The following ROBO2 variants were observed in gnomAD, a reference collection of about 807,000 sequenced individuals.
ROBO2 encodes roundabout homolog 2.
In ROBO2, 53 loss-of-function variants were observed where a neutral mutation model predicts 160.8. The ratio of observed to expected loss-of-function variants is 0.33; its 90% CI spans 0.26 to 0.41. ROBO2 has a LOEUF of 0.41. Ranked by LOEUF, ROBO2 falls within the 10% of genes least tolerant of loss-of-function variation. ROBO2 has a pLI of 1.00. For synonymous variants in ROBO2, 664 were observed against 611.7 expected (o/e 1.09, Z -1.26); for missense variants, 1,577 against 1,722.4 (o/e 0.92, Z 1.49).
At chr3:76,784,091 G>T (rs1358913267) in intron 2 of ROBO2, among the ~76,000 whole-genome samples, 2 of 150,948 alleles carry the variant, frequency 1.3e-5, no homozygotes, top group African/African-American at 2.4e-5. Context: ...TTGTTGTCAG[G>T]AAATTCATAG....
At chr3:77,264,804 C>T (rs1180150481) in intron 2 of ROBO2, among the ~76,000 whole-genome samples, 1 of 152,114 alleles carries the variant, frequency 6.6e-6, no homozygotes, top group Non-Finnish European at 1.5e-5. Flanking sequence ...TGCTGCACTT[C>T]TGACAAGTCT....
intron 2 of ROBO2, among the ~76,000 whole-genome samples, chr3:76,338,173 C>T (rs1250880419): frequency 1.3e-5 from 2 of 152,138 alleles, no homozygotes; most frequent in Non-Finnish European, 2.9e-5. Flanking sequence ...TATTAGTAAA[C>T]TTTACATACC....
chr3:76,729,542 G>A (rs897677229), intron 2 of ROBO2, among the ~76,000 whole-genome samples: 10 of 151,908 alleles, frequency 6.6e-5, no homozygotes, highest in African/African-American at 2.4e-4. Flanking sequence ...GTATGTTTTA[G>A]GGCTTATTTT....
At chr3:77,311,851 C>T (rs1488550612) in intron 2 of ROBO2, among the ~76,000 whole-genome samples, 1 of 152,136 alleles carries the variant, frequency 6.6e-6, no homozygotes, top group Non-Finnish European at 1.5e-5. Flanking sequence ...CTTTGAGAGG[C>T]CGAGGTGGGC....
At chr3:76,158,683 GAGA>G (rs2072505664) in intron 2 of ROBO2, among the ~76,000 whole-genome samples, 2 of 152,122 alleles carry the variant, frequency 1.3e-5, no homozygotes, top group Admixed American at 1.3e-4. Context: ...GCTGGCTTAA[GAGA>G]AGTAGCCCTG....
intron 2 of ROBO2, among the ~76,000 whole-genome samples, chr3:76,988,968 A>C (rs534776681): frequency 6.6e-6 from 1 of 152,268 alleles, no homozygotes; most frequent in South Asian, 2.1e-4. Context: ...ATATAATAAA[A>C]TATGCTATAA....
chr3:77,455,411 T>C (rs994115945), intron 2 of ROBO2, among the ~76,000 whole-genome samples: 1 of 152,044 alleles, frequency 6.6e-6, no homozygotes, highest in Admixed American at 6.5e-5. Context: ...AAAACAGAAG[T>C]CCGAAATTAA....
intron 2 of ROBO2, among the ~76,000 whole-genome samples, chr3:76,814,236 C>A (rs1278549580): frequency 6.6e-6 from 1 of 152,108 alleles, no homozygotes; most frequent in Non-Finnish European, 1.5e-5. Context: ...ACTGCAAATG[C>A]TAGATGGATA....
Position 77,579,945 on chromosome 3 carries a change from A to C in ROBO2, c.2329-2A>C. 6.2e-7 allele frequency: 1 copy of C among 1,612,560 alleles called. No individual in the cohort carries two copies. Among genetic ancestry groups the C allele is most frequent in the Non-Finnish European group, 8.5e-7 (1 of 1,178,620 alleles). ...TGTGTTATTCACTTTCCATTTCTGT[A>C]GATCTGGTGTCTAGGAAATGAAACG... On this transcript the variant is annotated splice_acceptor_variant, in intron 15 of 25. Transcript: ENST00000461745. LOFTEE classifies it high-confidence loss of function.
chr3:76,449,965 A>G (rs1218458307), intron 2 of ROBO2, among the ~76,000 whole-genome samples: 2 of 152,162 alleles, frequency 1.3e-5, no homozygotes, highest in African/African-American at 4.8e-5. Flanking sequence ...GCTTTACACA[A>G]CATTAAGTAC....
In ROBO2 at chr3:77,041,547, A is replaced by G. The variant is rs530573349; in HGVS notation, c.61+701A>G. Among the ~76,000 whole-genome samples the G allele has an allele frequency of 2.0e-5, 3 of 152,296 alleles. No individual in the cohort carries two copies. In the South Asian group the frequency reaches 6.2e-4, roughly 32 times the overall value. Reference sequence around the variant, plus strand: ...GGTTGAGTCAGTCTGTCAAGCCCACAGCATTCTGCCTCTGATTCTCTTGTC... The same window carrying G: ...GGTTGAGTCAGTCTGTCAAGCCCACGGCATTCTGCCTCTGATTCTCTTGTC... On this transcript the variant is annotated intron_variant, in intron 1 of 25. Transcript: ENST00000461745.
intron 9 of ROBO2, among the ~76,000 whole-genome samples, chr3:77,560,352 A>G (rs542827238): frequency 6.6e-6 from 1 of 152,270 alleles, no homozygotes; most frequent in Admixed American, 6.5e-5. Context: ...CTCACCAGAA[A>G]AAGACATTAT....
intron 5 of ROBO2, among the ~76,000 whole-genome samples, chr3:77,516,158 A>G (rs1332827226): frequency 2.6e-5 from 4 of 151,594 alleles, no homozygotes; most frequent in Admixed American, 2.0e-4. Flanking sequence ...CACATGCTAT[A>G]ATTCCTTTGT....
intron 2 of ROBO2, among the ~76,000 whole-genome samples, chr3:76,567,628 T>G (rs2084619528): frequency 1.4e-5 from 1 of 72,158 alleles, no homozygotes; most frequent in Non-Finnish European, 2.9e-5. Flanking sequence ...CTGATATATA[T>G]ATATATATAT....
At chr3:77,596,780 T>C (rs1347969059) in intron 19 of ROBO2, 30 bp downstream of exon 20, 1 of 1,597,654 alleles carries the variant, frequency 6.3e-7, no homozygotes, top group Non-Finnish European at 8.5e-7. Flanking sequence ...ATAGTGTTAT[T>C]TGAGTTCTCT....
At chr3:76,700,682 G>A (rs2093029363) in intron 2 of ROBO2, among the ~76,000 whole-genome samples, 1 of 152,084 alleles carries the variant, frequency 6.6e-6, no homozygotes, top group Non-Finnish European at 1.5e-5. Flanking sequence ...TCAATGAAGT[G>A]TGCCTTTGGA....
intron 2 of ROBO2, among the ~76,000 whole-genome samples, chr3:77,349,449 G>GAAAT (rs1364878854): frequency 6.6e-6 from 1 of 152,106 alleles, no homozygotes; most frequent in African/African-American, 2.4e-5. Flanking sequence ...CAAGAACCTG[G>GAAAT]AAATAAAGAA....
chr3:77,568,472 T>C (rs891899922), intron 13 of ROBO2, 38 bp downstream of exon 14: 1 of 1,611,570 alleles, frequency 6.2e-7, no homozygotes, highest in Non-Finnish European at 8.5e-7. Context: ...TAATCTCTTC[T>C]CTTTCGGGAA....
intron 2 of ROBO2, among the ~76,000 whole-genome samples, chr3:77,356,608 G>A (rs2069168377): frequency 6.6e-6 from 1 of 152,240 alleles, no homozygotes; most frequent in Non-Finnish European, 1.5e-5. Flanking sequence ...TTTAGCATAA[G>A]TTTTACATGA....
Sources: gnomAD v4.1 joint callset for allele counts (sites outside exome capture counted in the v4.1 genomes callset) on GRCh38, gnomAD v4.1.1 for gene constraint, MANE v1.5 for transcripts, NCBI Gene and HGNC (gene_info 2026-07-23, HGNC 2026-07-21) for gene names.